Variants in PAK3 observed in about 807,000 individuals in gnomAD.
PAK3 encodes serine/threonine-protein kinase PAK 3.
In PAK3, 4 loss-of-function variants were observed where a neutral mutation model predicts 41.0. The ratio of observed to expected loss-of-function variants is 0.10; its 90% CI spans 0.05 to 0.22. The LOEUF (loss-of-function observed/expected upper bound fraction) is 0.22, where lower values mean the gene tolerates loss of function less well. Among genes scored for constraint, PAK3 ranks in the 10% least tolerant of loss-of-function variants. The pLI is 1.00. For synonymous variants in PAK3, 146 were observed against 139.6 expected (o/e 1.05, Z -0.32); for missense variants, 205 against 409.9 (o/e 0.50, Z 4.32).
chrX:111,148,830 C>G (rs747773964), intron 7 of PAK3, among the ~76,000 whole-genome samples: 2 of 110,819 alleles, frequency 1.8e-5, no homozygotes, highest in South Asian at 7.8e-4. Context: ...CAAACCATGT[C>G]ATTCTGCCCC....
At chrX:111,155,117 T>C (rs911610044) in intron 8 of PAK3, among the ~76,000 whole-genome samples, 1 of 111,630 alleles carries the variant, frequency 9.0e-6, no homozygotes, top group African/African-American at 3.3e-5. Flanking sequence ...ATTTAACATA[T>C]ATTTACCAAC....
intron 4 of PAK3, 92 bp from the exon 5 acceptor site, chrX:111,122,985 G>A: frequency 6.6e-6 from 4 of 602,922 alleles, no homozygotes; most frequent in Non-Finnish European, 1.2e-5. Flanking sequence ...TGAGAGCAAT[G>A]CTTTTGTTTC....
At chrX:111,118,169 A>AT (rs1447070709) in intron 4 of PAK3, among the ~76,000 whole-genome samples, 23 of 111,869 alleles carry the variant, frequency 2.1e-4, no homozygotes, top group African/African-American at 6.8e-4. Context: ...AGGCTAGATG[A>AT]TTTTTTCTTT....
chrX:111,121,688 A>T (rs2093572588), intron 4 of PAK3, among the ~76,000 whole-genome samples: 1 of 111,789 alleles, frequency 8.9e-6, no homozygotes, highest in South Asian at 3.7e-4. Flanking sequence ...AATGTTCCTA[A>T]ATTAGTACCA....
At chrX:111,191,281 T>C (rs1249066817) in intron 11 of PAK3, among the ~76,000 whole-genome samples, 2 of 111,059 alleles carry the variant, frequency 1.8e-5, no homozygotes, top group East Asian at 5.7e-4. Flanking sequence ...AAATTTTTCA[T>C]AGAGACTGGA....
chrX:111,028,027 G>GTGTATATATATATACATATATATATA (rs57456281), intron 1 of PAK3, among the ~76,000 whole-genome samples: 1,573 of 97,811 alleles, frequency 0.016, 57 homozygotes, highest in African/African-American at 0.056. Flanking sequence ...ACATATATAT[G>GTGTATATATATATACATATATATATA]TGTGTATATA....
intron 1 of PAK3, among the ~76,000 whole-genome samples, chrX:110,994,462 CATGT>C (rs1248189113): frequency 9.0e-6 from 1 of 111,506 alleles, no homozygotes; most frequent in African/African-American, 3.3e-5. Context: ...CTGTTTGGCA[CATGT>C]GAAGTGGTTA....
In PAK3 at chrX:111,142,139, T is replaced by C; in HGVS notation, c.219T>C (p.Pro73=). ...KEKERPEISL[P]SDFEHTIHVG... is the part of the protein sequence containing the mutation. ...AAGAGCGCCCAGAGATCTCTCTTCC[T>C]TCAGACTTTGAGCATACGATTCATG... The change falls in exon 6 of 18, where the codon CCT becomes CCC. Residue 73 remains proline, a synonymous_variant. Transcript: ENST00000372007. 1.7e-6 allele frequency: 2 copies of C among 1,200,827 alleles called. No homozygotes were observed. Among genetic ancestry groups the C allele is most frequent in the South Asian group, 3.5e-5 (2 of 56,766 alleles).
In PAK3 at chrX:111,123,085, A is replaced by G; in HGVS notation, c.-19A>G. 1 of 1,185,137 alleles carries G rather than the reference A, an allele frequency of 8.4e-7. No homozygotes were observed. The highest frequency in any genetic ancestry group is 1.7e-5 in the African/African-American group (1 of 57,177). Reference sequence around the variant, plus strand: ...TCCCTCCTTTTCTTTAGGAGCTGTGAAATTAGTTGTAACTGAAAATGTCTG... The same window carrying G: ...TCCCTCCTTTTCTTTAGGAGCTGTGGAATTAGTTGTAACTGAAAATGTCTG... On this transcript the variant is annotated 5_prime_UTR_variant, in exon 5 of 18. Transcript: ENST00000372007.
intron 16 of PAK3, among the ~76,000 whole-genome samples, chrX:111,201,591 T>A (rs192887133): frequency 6.6e-4 from 73 of 110,819 alleles, no homozygotes; most frequent in African/African-American, 2.2e-3. Context: ...AGTAGTAGAG[T>A]ACAGGGTAGC....
chrX:110,967,415 G>A, intron 1 of PAK3, among the ~76,000 whole-genome samples: 1 of 111,381 alleles, frequency 9.0e-6, no homozygotes, highest in Non-Finnish European at 1.9e-5. Context: ...CAGGGTTAGG[G>A]ACAAAGGCAT....
chrX:110,979,160 G>A (rs1472166235), intron 1 of PAK3, among the ~76,000 whole-genome samples: 2 of 110,848 alleles, frequency 1.8e-5, no homozygotes, highest in Non-Finnish European at 3.8e-5. Context: ...AGGGTCTGCA[G>A]TGATATTTTC....
intron 3 of PAK3, among the ~76,000 whole-genome samples, chrX:111,101,107 C>G (rs1289589503): frequency 8.9e-6 from 1 of 112,091 alleles, no homozygotes; most frequent in East Asian, 2.8e-4. Context: ...ATCACGTATA[C>G]AACATGATAT....
chrX:110,967,257 C>T (rs757069760), intron 1 of PAK3, among the ~76,000 whole-genome samples: 1 of 112,944 alleles, frequency 8.9e-6, no homozygotes, highest in African/African-American at 3.2e-5. Context: ...TCAGGGACTA[C>T]GAGTGCAGAA....
At chrX:110,948,001 AAAGTG>A (rs1170567863) in intron 1 of PAK3, among the ~76,000 whole-genome samples, 4 of 112,082 alleles carry the variant, frequency 3.6e-5, no homozygotes, top group African/African-American at 1.3e-4. Flanking sequence ...GGTTATTATT[AAAGTG>A]AAGTGAAGAA....
rs895763605 is a variant in PAK3, at chrX:111,227,179, C to T, written c.*6732C>T. Reference sequence around the variant, plus strand: ...GACCTGCTGATGGTATGGTTCCATCCTTCTGACCTCAGCATCCAATCTTTT... The same window carrying T: ...GACCTGCTGATGGTATGGTTCCATCTTTCTGACCTCAGCATCCAATCTTTT... On this transcript the variant is annotated 3_prime_UTR_variant, in exon 18 of 18. Coordinates refer to ENST00000372007, the MANE Select transcript of PAK3 (RefSeq NM_002578.5). 1 of 111,975 alleles carries T rather than the reference C, an allele frequency of 8.9e-6. No homozygotes were observed. The highest frequency in any genetic ancestry group is 1.9e-5 in the Non-Finnish European group (1 of 53,209). 9.2% of individuals were successfully genotyped at this position (111,975 alleles called of 1,213,427 possible). A position where few individuals can be genotyped will look rare whatever the true frequency, so the allele number is the denominator to read the frequency against.
intron 1 of PAK3, among the ~76,000 whole-genome samples, chrX:111,012,110 T>G (rs1385298391): frequency 4.5e-5 from 5 of 111,314 alleles, no homozygotes; most frequent in African/African-American, 1.6e-4. Flanking sequence ...CTTAACTAAT[T>G]ATAATATGGT....
chrX:111,147,156 C>G (rs755893411), intron 6 of PAK3, among the ~76,000 whole-genome samples: 1 of 111,111 alleles, frequency 9.0e-6, no homozygotes, highest in African/African-American at 3.3e-5. Flanking sequence ...GTGGTTCTTG[C>G]CCCTCCACAA....
chrX:110,972,479 T>C (rs1019206068), intron 1 of PAK3, among the ~76,000 whole-genome samples: 1 of 111,844 alleles, frequency 8.9e-6, no homozygotes, highest in African/African-American at 3.3e-5. Flanking sequence ...ATCTGACTGT[T>C]AGAAGGAAAA....
Sources: allele counts gnomAD v4.1 joint callset (sites outside exome capture counted in the v4.1 genomes callset), GRCh38; gene constraint gnomAD v4.1.1; transcripts MANE v1.5; gene names NCBI Gene and HGNC (gene_info 2026-07-23, HGNC 2026-07-21).